Variants in MYOF observed in about 807,000 individuals in gnomAD.
MYOF encodes myoferlin, also known as fer-1-like 3, myoferlin.
In MYOF, 244 loss-of-function variants were observed where a neutral mutation model predicts 284.2. The observed-to-expected ratio is 0.86, with a 90% CI of 0.77 to 0.95. The LOEUF is 0.95. Among genes scored for constraint, MYOF ranks in the 40% least tolerant of loss-of-function variants. MYOF has a pLI of 0.00. For missense variants in MYOF, 2,496 were observed against 2,560.6 expected (o/e 0.97, Z 0.54); for synonymous variants, 904 against 919.7 (o/e 0.98, Z 0.31).
intron 30 of MYOF, among the ~76,000 whole-genome samples, 176 bp downstream of exon 30, chr10:93,356,499 G>A (rs770858632): frequency 2.6e-5 from 4 of 152,082 alleles, no homozygotes; most frequent in Non-Finnish European, 4.4e-5. Flanking sequence ...TGGTCTATTC[G>A]TTCTACACGA....
chr10:93,338,320 C>A (rs1398687838), intron 39 of MYOF: 1 of 457,960 alleles, frequency 2.2e-6, no homozygotes, highest in Non-Finnish European at 4.4e-6. Flanking sequence ...GCCAGTAATG[C>A]CTTGTAATAC....
intron 3 of MYOF, among the ~76,000 whole-genome samples, chr10:93,435,286 G>C (rs1387512347): frequency 3.3e-5 from 5 of 152,198 alleles, no homozygotes; most frequent in Non-Finnish European, 7.4e-5. Flanking sequence ...TGCTGAAGTA[G>C]AAAGAGGGCC....
intron 51 of MYOF, among the ~76,000 whole-genome samples, chr10:93,312,770 G>A (rs1212258495): frequency 6.6e-6 from 1 of 152,080 alleles, no homozygotes; most frequent in Non-Finnish European, 1.5e-5. Context: ...GAAACCACCT[G>A]GGCTTCTACT....
intron 27 of MYOF, among the ~76,000 whole-genome samples, chr10:93,363,522 C>T (rs1845175317): frequency 6.6e-6 from 1 of 152,076 alleles, no homozygotes; most frequent in Non-Finnish European, 1.5e-5. Flanking sequence ...AAAAATTAGT[C>T]CAGCATGGTG....
intron 30 of MYOF, 133 bp from the exon 31 acceptor site, chr10:93,355,869 T>C (rs1844778353): frequency 3.3e-6 from 2 of 615,038 alleles, no homozygotes; most frequent in South Asian, 2.7e-5. Flanking sequence ...AAACACCCCA[T>C]TTTTAAAGAT....
At chr10:93,347,878 A>C in intron 36 of MYOF, 96 bp from the exon 37 acceptor site, 1 of 1,280,484 alleles carries the variant, frequency 7.8e-7, no homozygotes, top group Non-Finnish European at 1.1e-6. Context: ...TCTCTCTGCC[A>C]CACAGCCCAG....
rs777138513 is a variant in MYOF, at chr10:93,356,702, A to C, written c.3267T>G (p.Ala1089=). ...GGGCACCTTCAAGTTTAAAGATGGCAGCTGCACCATGTGTTTCTGAAGGAG... is the reference window on the plus strand; with the variant it reads ...GGGCACCTTCAAGTTTAAAGATGGCCGCTGCACCATGTGTTTCTGAAGGAG... The part of the protein sequence containing the change: ...KMAPSETHGA[A]AIFKLEGALG... The change falls in exon 30 of 54, where the codon GCT becomes GCG. Residue 1089 remains alanine, a synonymous_variant. Transcript: ENST00000359263. 6.2e-7 allele frequency: 1 copy of C among 1,614,096 alleles called. No homozygotes were observed. Among genetic ancestry groups the C allele is most frequent in the Non-Finnish European group, 8.5e-7 (1 of 1,179,992 alleles).
At chr10:93,473,456 C>T (rs1408628137) in intron 1 of MYOF, among the ~76,000 whole-genome samples, 1 of 152,234 alleles carries the variant, frequency 6.6e-6, no homozygotes, top group Non-Finnish European at 1.5e-5. Flanking sequence ...ACCCAGTCAC[C>T]TTGCAGCAAC....
chr10:93,444,053 C>T (rs556482026), intron 3 of MYOF, among the ~76,000 whole-genome samples: 1 of 152,334 alleles, frequency 6.6e-6, no homozygotes, highest in Non-Finnish European at 1.5e-5. Context: ...GTTTGTTTCT[C>T]TTGTGTTCTG....
chr10:93,360,105 T>C, intron 28 of MYOF, 127 bp from the exon 29 acceptor site: 1 of 1,173,398 alleles, frequency 8.5e-7, no homozygotes, highest in East Asian at 2.4e-5. Context: ...ACCGAATATG[T>C]GGCTGTTTTC....
chr10:93,402,197 G>C (rs1254262344), intron 11 of MYOF, 35 bp downstream of exon 11: 1 of 1,564,188 alleles, frequency 6.4e-7, no homozygotes, highest in Non-Finnish European at 8.8e-7. Flanking sequence ...CTTTTTTAGT[G>C]AGAAGTGTAG....
At chr10:93,459,015 T>G (rs914771448) in intron 1 of MYOF, among the ~76,000 whole-genome samples, 4 of 152,356 alleles carry the variant, frequency 2.6e-5, no homozygotes, top group African/African-American at 9.6e-5. Context: ...ACTTTTCCAC[T>G]TGAGAGGGCA....
chr10:93,375,572 C>T (rs1564662021), intron 22 of MYOF, among the ~76,000 whole-genome samples: 1 of 152,248 alleles, frequency 6.6e-6, no homozygotes, highest in Non-Finnish European at 1.5e-5. Flanking sequence ...CAGTCACTTA[C>T]TTCCTTGTCC....
At chr10:93,426,884 CTTTTTTTTTTTT>C (rs1169014883) in intron 4 of MYOF, among the ~76,000 whole-genome samples, 1 of 104,752 alleles carries the variant, frequency 9.5e-6, no homozygotes, top group South Asian at 3.7e-4. Context: ...ACGAGACTGT[CTTTTTTTTTTTT>C]TTTTTTTTTG....
chr10:93,372,876 G>A, intron 24 of MYOF, 54 bp downstream of exon 24: 4 of 1,597,650 alleles, frequency 2.5e-6, no homozygotes, highest in Non-Finnish European at 3.4e-6. Context: ...ACCCTTCTCA[G>A]GAATACAGCT....
intron 1 of MYOF, among the ~76,000 whole-genome samples, chr10:93,458,102 C>T (rs1040111705): frequency 6.6e-6 from 1 of 152,012 alleles, no homozygotes; most frequent in African/African-American, 2.4e-5. Context: ...CCTGTAATCC[C>T]AGCACTTATG....
chr10:93,393,656 TC>T (rs1173375301), intron 16 of MYOF, among the ~76,000 whole-genome samples: 1 of 152,178 alleles, frequency 6.6e-6, no homozygotes, highest in Non-Finnish European at 1.5e-5. Context: ...ATCTTTACCC[TC>T]CCCCCATATA....
At chr10:93,382,111 G>T (rs1564668184) in intron 19 of MYOF, among the ~76,000 whole-genome samples, 1 of 152,120 alleles carries the variant, frequency 6.6e-6, no homozygotes, top group East Asian at 1.9e-4. Context: ...TCATAAAGAA[G>T]GTCTGGAGGA....
intron 3 of MYOF, among the ~76,000 whole-genome samples, chr10:93,448,876 TCC>T (rs1425148062): frequency 6.6e-6 from 1 of 152,134 alleles, no homozygotes; most frequent in Non-Finnish European, 1.5e-5. Context: ...GCACCTGTAA[TCC>T]CAGCTACTCA....
Sources: allele counts gnomAD v4.1 joint callset (sites outside exome capture counted in the v4.1 genomes callset), GRCh38; gene constraint gnomAD v4.1.1; transcripts MANE v1.5; gene names NCBI Gene and HGNC (gene_info 2026-07-23, HGNC 2026-07-21).